Variants in UCHL5 observed in about 807,000 individuals in gnomAD.
The protein encoded by UCHL5 is ubiquitin carboxyl-terminal hydrolase isozyme L5.
Under a neutral mutation model 53.8 loss-of-function variants are expected in UCHL5, and 34 were observed. The observed-to-expected ratio is 0.63, with a 90% confidence interval of 0.48 to 0.84. The LOEUF (loss-of-function observed/expected upper bound fraction) is 0.84. UCHL5 is among the 40% of genes least tolerant of loss of function. UCHL5 has a pLI of 0.00. For missense variants in UCHL5, 290 were observed against 385.6 expected, an observed-to-expected ratio of 0.75 and a Z score of 2.08; for synonymous variants, 111 against 126.3, an observed-to-expected ratio of 0.88 and a Z score of 0.81.
At chr1:193,051,714 A>G in intron 2 of UCHL5, 40 bp downstream of exon 2, 2 of 1,142,650 alleles carry the variant, frequency 1.8e-6, no homozygotes, top group Non-Finnish European at 2.5e-6. Flanking sequence ...TTGTTAAAGT[A>G]TATATATATA....
chr1:193,028,034 A>G (rs1659989709), intron 7 of UCHL5, 51 bp downstream of exon 7: 3 of 1,583,118 alleles, frequency 1.9e-6, no homozygotes, highest in Non-Finnish European at 2.6e-6. Context: ...CAAGTTTAAA[A>G]AATACTTAAA....
rs1248192564 is a variant in UCHL5 at position 193,029,451 on chromosome 1, TA to T, written c.373-3del. The T allele has an allele frequency of 1.2e-6, 2 of 1,613,542 alleles. No individual in the cohort carries two copies. Among genetic ancestry groups the T allele is most frequent in the Admixed American group, 1.7e-5 (1 of 59,988 alleles). On this transcript the variant is annotated splice_region_variant and splice_polypyrimidine_tract_variant and intron_variant, in intron 4 of 10. Transcript: ENST00000367454. Reference sequence around the variant, plus strand: ...ATTGCTCAGTGCCAAGCCTTTCATCTAAAATAATTTTTTAAAGTAGCCTATT... The same window carrying T: ...ATTGCTCAGTGCCAAGCCTTTCATCTAAATAATTTTTTAAAGTAGCCTATT...
At chr1:193,020,327 T>G in intron 10 of UCHL5, 2 of 1,547,162 alleles carry the variant, frequency 1.3e-6, no homozygotes, top group Non-Finnish European at 1.7e-6. Context: ...CGTCTTTAAG[T>G]TAATGGTCCA....
chr1:193,038,938 G>C (rs1558098888), intron 3 of UCHL5, among the ~76,000 whole-genome samples: 1 of 152,090 alleles, frequency 6.6e-6, no homozygotes, highest in East Asian at 1.9e-4. Context: ...CAAGGTTATA[G>C]TGAGCTATGA....
At chr1:193,047,394 T>C (rs1194086492) in intron 3 of UCHL5, among the ~76,000 whole-genome samples, 1 of 151,994 alleles carries the variant, frequency 6.6e-6, no homozygotes, top group Non-Finnish European at 1.5e-5. Flanking sequence ...AAAAAACAAA[T>C]GATACATTTT....
At chr1:193,046,912 T>C (rs1667519010) in intron 3 of UCHL5, among the ~76,000 whole-genome samples, 1 of 151,758 alleles carries the variant, frequency 6.6e-6, no homozygotes, top group Non-Finnish European at 1.5e-5. Context: ...TGTTAGCATA[T>C]GAACAGAAAA....
At chr1:193,027,099 G>A (rs1222776197) in intron 7 of UCHL5, among the ~76,000 whole-genome samples, 1 of 152,188 alleles carries the variant, frequency 6.6e-6, no homozygotes, top group Non-Finnish European at 1.5e-5. Flanking sequence ...AGGGAGAGAA[G>A]TGGTTGTGCC....
intron 10 of UCHL5, among the ~76,000 whole-genome samples, chr1:193,017,266 AAG>A (rs1467578386): frequency 2.6e-5 from 4 of 151,782 alleles, no homozygotes; most frequent in Non-Finnish European, 5.9e-5. Context: ...GCCACTTCAG[AAG>A]AGTCAATGAA....
At chr1:193,023,816 C>A (rs1658072593) in intron 8 of UCHL5, 28 bp downstream of exon 8, 2 of 1,539,024 alleles carry the variant, frequency 1.3e-6, no homozygotes, top group Non-Finnish European at 1.8e-6. Context: ...CAAGCTAGAA[C>A]TTTGTACTTA....
chr1:193,016,704 C>T (rs1655005186), intron 10 of UCHL5, among the ~76,000 whole-genome samples: 3 of 151,626 alleles, frequency 2.0e-5, no homozygotes. Flanking sequence ...CATGAGTATT[C>T]CAAAACAATA....
At chr1:193,021,710 TA>T (rs1417063573) in intron 9 of UCHL5, among the ~76,000 whole-genome samples, 3 of 152,212 alleles carry the variant, frequency 2.0e-5, no homozygotes. Context: ...ACTGACCTAT[TA>T]TATATTCTGC....
intron 3 of UCHL5, among the ~76,000 whole-genome samples, chr1:193,040,896 A>G (rs1199974495): frequency 1.3e-5 from 2 of 152,200 alleles, no homozygotes; most frequent in African/African-American, 4.8e-5. Context: ...GCACAGAAAG[A>G]CAAATATCTC....
chr1:193,036,465 T>A (rs907847579), intron 3 of UCHL5, among the ~76,000 whole-genome samples: 3 of 151,646 alleles, frequency 2.0e-5, no homozygotes, highest in Non-Finnish European at 4.4e-5. Flanking sequence ...ATAACAATTA[T>A]AAATATGTAT....
At chr1:193,058,001 G>A (rs1344998705) in intron 1 of UCHL5, among the ~76,000 whole-genome samples, 2 of 152,132 alleles carry the variant, frequency 1.3e-5, no homozygotes, top group African/African-American at 4.8e-5. Context: ...AGGCCGAGGC[G>A]GGTGGATCAC....
chr1:193,051,433 T>C (rs1669005813), intron 2 of UCHL5, among the ~76,000 whole-genome samples: 1 of 149,978 alleles, frequency 6.7e-6, no homozygotes. Flanking sequence ...TATGTTAAAA[T>C]GTGTTCCATG....
chr1:193,058,610 A>G (rs1671600798), intron 1 of UCHL5, among the ~76,000 whole-genome samples: 1 of 152,280 alleles, frequency 6.6e-6, no homozygotes, highest in South Asian at 2.1e-4. Context: ...ATGAGCAGAG[A>G]GCGGAACCAG....
upstream of UCHL5, chr1:193,059,571 G>GC: frequency 6.7e-7 from 1 of 1,501,874 alleles, no homozygotes; most frequent in South Asian, 1.1e-5. This position sits in a 1 kb window ranked among gnomAD's most constrained non-coding sequence, Gnocchi z 4.9. Context: ...CGGGATCCTC[G>GC]CCCCTCTGGG....
chr1:193,027,909 G>A (rs1466704403), intron 7 of UCHL5, 176 bp downstream of exon 7: 1 of 1,477,108 alleles, frequency 6.8e-7, no homozygotes, highest in Non-Finnish European at 9.0e-7. Context: ...GATGGCTTGA[G>A]CTCAGGAGTC....
intron 10 of UCHL5, chr1:193,019,824 G>A (rs1656259663): frequency 1.1e-6 from 1 of 935,974 alleles, no homozygotes; most frequent in African/African-American, 1.8e-5. Context: ...CAATTTTAAT[G>A]CAAAATTTAT....
Sources: gnomAD v4.1 joint callset for allele counts (sites outside exome capture counted in the v4.1 genomes callset) on GRCh38, gnomAD v4.1.1 for gene constraint, Gnocchi (gnomAD v3.1) non-coding constraint, MANE v1.5 for transcripts, NCBI Gene and HGNC (gene_info 2026-07-23, HGNC 2026-07-21) for gene names.